MMP26: variants seen among roughly 807,000 people sequenced by gnomAD.
MMP26 encodes matrix metalloproteinase-26.
Under a neutral mutation model 31.0 loss-of-function variants are expected in MMP26, and 33 were observed. The ratio of observed to expected loss-of-function variants is 1.06; its 90% CI spans 0.81 to 1.42. MMP26 has a LOEUF of 1.42. Ranked by LOEUF, MMP26 falls within the 40% of genes most tolerant of loss-of-function variation. MMP26 has a pLI of 0.00. For synonymous variants in MMP26, 122 were observed against 114.9 expected (o/e 1.06, Z -0.40); for missense variants, 347 against 316.1 (o/e 1.10, Z -0.74).
intron 2 of MMP26, among the ~76,000 whole-genome samples, chr11:4,952,308 T>A (rs1404269308): frequency 8.0e-6 from 1 of 125,310 alleles, no homozygotes; most frequent in South Asian, 2.4e-4. Context: ...TAAAGCCAAC[T>A]AATTGCTCCT....
intron 2 of MMP26, chr11:4,882,900 G>T: frequency 1.3e-6 from 2 of 1,592,586 alleles, no homozygotes; most frequent in South Asian, 2.2e-5. Flanking sequence ...GAAATTGTCA[G>T]GACACGAATT....
At chr11:4,882,080 A>C in intron 2 of MMP26, 1 of 1,613,814 alleles carries the variant, frequency 6.2e-7, no homozygotes, top group Non-Finnish European at 8.5e-7. Flanking sequence ...CCACAAACCC[A>C]TGTATTATTT....
At chr11:4,953,376 C>T (rs1846392995) in intron 2 of MMP26, among the ~76,000 whole-genome samples, 3 of 124,384 alleles carry the variant, frequency 2.4e-5, no homozygotes, top group Non-Finnish European at 3.6e-5. Context: ...TTTCTTCAAT[C>T]GCTCATAATA....
chr11:4,720,753 G>C (rs1484711589), intron 1 of MMP26, among the ~76,000 whole-genome samples: 4 of 152,168 alleles, frequency 2.6e-5, no homozygotes, highest in Non-Finnish European at 5.9e-5. Flanking sequence ...TCAAAGGATG[G>C]AGAACATGAG....
At chr11:4,823,015 AT>A (rs1032104347) in intron 2 of MMP26, among the ~76,000 whole-genome samples, 79 of 151,384 alleles carry the variant, frequency 5.2e-4, no homozygotes, top group Non-Finnish European at 9.3e-4. Context: ...ACTATTTTTC[AT>A]TTTTTTTTAA....
chr11:4,769,671 T>C (rs1356931190), intron 2 of MMP26: 1 of 1,612,874 alleles, frequency 6.2e-7, no homozygotes, highest in Non-Finnish European at 8.5e-7. Flanking sequence ...ATACCTAATG[T>C]TGTTGACAAT....
chr11:4,854,652 C>A (rs1850023457), intron 2 of MMP26, among the ~76,000 whole-genome samples: 1 of 152,208 alleles, frequency 6.6e-6, no homozygotes, highest in African/African-American at 2.4e-5. Context: ...CATAGCTGAA[C>A]AAAAGGCAGC....
chr11:4,712,502 A>G (rs1847875173), intron 1 of MMP26: 2 of 152,192 alleles, frequency 1.3e-5, no homozygotes, highest in Admixed American at 6.5e-5. Flanking sequence ...ATATGCACTC[A>G]TTTCTAAGCA....
chr11:4,908,409 T>C (rs758828514), intron 2 of MMP26: 5 of 1,000,068 alleles, frequency 5.0e-6, no homozygotes, highest in African/African-American at 3.2e-5. Context: ...GACTGGATGA[T>C]GGAAGTGAAA....
At chr11:4,802,475 A>G (rs1849196473) in intron 2 of MMP26, among the ~76,000 whole-genome samples, 1 of 152,184 alleles carries the variant, frequency 6.6e-6, no homozygotes, top group African/African-American at 2.4e-5. Flanking sequence ...GTGATAAAAG[A>G]AGTCCTTGGG....
intron 2 of MMP26, among the ~76,000 whole-genome samples, chr11:4,924,605 T>C (rs1431952496): frequency 6.6e-6 from 1 of 152,166 alleles, no homozygotes; most frequent in African/African-American, 2.4e-5. Flanking sequence ...AATCTTGGAC[T>C]TCAGAAAACA....
intron 1 of MMP26, among the ~76,000 whole-genome samples, chr11:4,755,377 A>G (rs1189042064): frequency 6.6e-6 from 1 of 152,026 alleles, no homozygotes; most frequent in Non-Finnish European, 1.5e-5. Context: ...ATCAGCCCAC[A>G]TTGAATACAT....
intron 2 of MMP26, among the ~76,000 whole-genome samples, chr11:4,901,569 T>C (rs1323026128): frequency 6.6e-6 from 1 of 152,058 alleles, no homozygotes; most frequent in African/African-American, 2.4e-5. Flanking sequence ...TGGCATATGC[T>C]GCCTCCGGGG....
At chr11:4,843,461 G>A (rs1401860332) in intron 2 of MMP26, among the ~76,000 whole-genome samples, 2 of 152,222 alleles carry the variant, frequency 1.3e-5, no homozygotes, top group African/African-American at 4.8e-5. Context: ...AAGCTGCTAT[G>A]GCTTGGGACC....
intron 1 of MMP26, among the ~76,000 whole-genome samples, chr11:4,727,638 C>T (rs1036918995): frequency 1.1e-4 from 17 of 151,964 alleles, no homozygotes; most frequent in African/African-American, 3.4e-4. Context: ...GGTGAAAATC[C>T]GTCTCTAATA....
chr11:4,723,278 T>G, intron 1 of MMP26: 2 of 1,058,832 alleles, frequency 1.9e-6, no homozygotes, highest in Non-Finnish European at 2.9e-6. Context: ...CTCAGTCTTG[T>G]GCGCTGCGGG....
At chr11:4,855,619 GA>G (rs1479966839) in intron 2 of MMP26, among the ~76,000 whole-genome samples, 2 of 152,188 alleles carry the variant, frequency 1.3e-5, no homozygotes, top group African/African-American at 4.8e-5. Flanking sequence ...AAGTGACAGG[GA>G]GAATGGAATG....
In MMP26 at chr11:4,988,304, T is replaced by C. The variant is rs1463589883; in HGVS notation, c.93T>C (p.Phe31=). Residue 31 remains phenylalanine, a synonymous_variant, in exon 3 of 8, where the codon TTT becomes TTC. Coordinates refer to ENST00000380390, the MANE Select transcript of MMP26 (RefSeq NM_021801.5). ...PPAADHKGWD[F]VEGYFHQFFL... ...CTGCAGACCATAAAGGATGGGACTT[T>C]GTTGAGGTAGGTGAACGACTCAGGA... 11 of 1,613,948 alleles carry C rather than the reference T, an allele frequency of 6.8e-6. No homozygotes were observed. The highest frequency in any genetic ancestry group is 2.2e-5 in the East Asian group (1 of 44,860).
chr11:4,768,911 G>C (rs1848666607), intron 2 of MMP26: 3 of 1,013,446 alleles, frequency 3.0e-6, no homozygotes, highest in Non-Finnish European at 4.2e-6. Context: ...GGCAGTAAGA[G>C]AGCAAGTTCG....
Sources: allele counts gnomAD v4.1 joint callset (sites outside exome capture counted in the v4.1 genomes callset), GRCh38; gene constraint gnomAD v4.1.1; transcripts MANE v1.5; gene names NCBI Gene and HGNC (gene_info 2026-07-23, HGNC 2026-07-21).